The following FAM107B variants were observed in gnomAD, a reference collection of about 807,000 sequenced individuals.
FAM107B encodes family with sequence similarity 107 member B.
FAM107B carries 21 observed loss-of-function variants against 31.5 expected under a neutral mutation model. The ratio of observed to expected loss-of-function variants is 0.67; its 90% CI spans 0.47 to 0.96. FAM107B has a LOEUF of 0.96. Among genes scored for constraint, FAM107B ranks in the 40% least tolerant of loss-of-function variants. The probability of loss-of-function intolerance (pLI) is 0.00; values close to 1 mark genes in which losing one functional copy is unlikely to be tolerated. For missense variants in FAM107B, 452 were observed against 377.1 expected (o/e 1.20, Z -1.64); for synonymous variants, 157 against 141.5 (o/e 1.11, Z -0.78).
intron 2 of FAM107B, among the ~76,000 whole-genome samples, chr10:14,566,170 C>T (rs935880293): frequency 6.6e-6 from 1 of 152,110 alleles, no homozygotes; most frequent in Non-Finnish European, 1.5e-5. Flanking sequence ...ATCAGTTTCA[C>T]TAAAGTAGCA....
Position 14,774,655 on chromosome 10 carries a change from C to T in FAM107B, c.9G>A (p.Thr3=), listed in dbSNP as rs759772122. Residue 3 remains threonine, a synonymous_variant, in exon 1 of 5, where the codon ACG becomes ACA. Coordinates refer to ENST00000181796, the MANE Select transcript of FAM107B (RefSeq NM_031453.4). The part of the protein sequence containing the change: MS[T]WKARLTKRLK... ...GTCTTTTGGTGAGTCTTGCTTTCCA[C>T]GTGGACATGACTTGCAGTGAATCAT... is the stretch of plus-strand genomic sequence containing the variant. 1 of 1,612,448 alleles carries T rather than the reference C, an allele frequency of 6.2e-7. No homozygotes were observed. Among genetic ancestry groups the T allele is most frequent in the South Asian group, 1.1e-5 (1 of 90,814 alleles).
At chr10:14,608,215 T>C (rs564909899) in intron 2 of FAM107B, among the ~76,000 whole-genome samples, 1 of 152,366 alleles carries the variant, frequency 6.6e-6, no homozygotes, top group East Asian at 1.9e-4. Flanking sequence ...TTTTGACATG[T>C]ATACTCTTTT....
intron 2 of FAM107B, among the ~76,000 whole-genome samples, chr10:14,555,250 A>T (rs1849597209): frequency 6.6e-6 from 1 of 152,248 alleles, no homozygotes; most frequent in Non-Finnish European, 1.5e-5. Flanking sequence ...TGTTCAGGAA[A>T]CAGGACATTG....
chr10:14,707,527 T>C (rs1360053134), intron 1 of FAM107B, among the ~76,000 whole-genome samples: 4 of 152,142 alleles, frequency 2.6e-5, no homozygotes, highest in Non-Finnish European at 2.9e-5. Context: ...GGTGAATCCA[T>C]GACTGCAGAA....
intron 2 of FAM107B, chr10:14,555,795 A>AC (rs762062925): frequency 2.0e-5 from 3 of 152,330 alleles, no homozygotes; most frequent in African/African-American, 7.2e-5. Context: ...AGGCAAGTTT[A>AC]CCCCTCAGCA....
chr10:14,704,239 G>A (rs1855469915), intron 1 of FAM107B, among the ~76,000 whole-genome samples: 2 of 151,524 alleles, frequency 1.3e-5, no homozygotes, highest in Non-Finnish European at 2.9e-5. Flanking sequence ...TTATCAAAGA[G>A]GCTAATTGTA....
intron 1 of FAM107B, among the ~76,000 whole-genome samples, chr10:14,761,349 G>A (rs2131591252): frequency 6.6e-6 from 1 of 152,186 alleles, no homozygotes. Flanking sequence ...TGCTAAAAGA[G>A]CATTTAATAT....
At chr10:14,664,900 T>G (rs1352623755) in intron 2 of FAM107B, among the ~76,000 whole-genome samples, 1 of 152,186 alleles carries the variant, frequency 6.6e-6, no homozygotes, top group Non-Finnish European at 1.5e-5. Flanking sequence ...GAGATCTGGA[T>G]AGAATGAACT....
intron 2 of FAM107B, among the ~76,000 whole-genome samples, chr10:14,535,147 C>A (rs1847480529): frequency 6.6e-6 from 1 of 152,146 alleles, no homozygotes. Context: ...GTCACAGTCA[C>A]TTCACTGGTC....
intron 2 of FAM107B, among the ~76,000 whole-genome samples, chr10:14,654,472 C>T (rs532930943): frequency 6.6e-6 from 1 of 151,918 alleles, no homozygotes; most frequent in East Asian, 1.9e-4. Flanking sequence ...ATTGCTGTTG[C>T]GTTTTATTAT....
chr10:14,576,336 G>A (rs756745288), intron 2 of FAM107B, among the ~76,000 whole-genome samples: 1 of 152,180 alleles, frequency 6.6e-6, no homozygotes, highest in Non-Finnish European at 1.5e-5. Flanking sequence ...AGACCAGCCT[G>A]GCAAACATGG....
chr10:14,712,586 T>A (rs1855676211), intron 1 of FAM107B, among the ~76,000 whole-genome samples: 1 of 146,686 alleles, frequency 6.8e-6, no homozygotes. Context: ...AGAATGTGAT[T>A]CCAGTCCCCT....
chr10:14,587,959 C>A lies in FAM107B; in HGVS notation c.470-57444G>T, dbSNP rs1588637188. Among the ~76,000 whole-genome samples, 3 of 152,118 alleles carry A rather than the reference C, an allele frequency of 2.0e-5. No individual in the cohort carries two copies. In the East Asian group the frequency reaches 5.8e-4, roughly 29 times the overall value. On this transcript the variant is annotated intron_variant, in intron 2 of 4. Coordinates refer to ENST00000181796, the MANE Select transcript of FAM107B (RefSeq NM_031453.4). ...GAAAACTCCAGCATGGGACAATTAC[C>A]AGTGTGACACCCTTGAGAGAAATGG...
At chr10:14,551,779 CCTT>C (rs1849290968) in intron 2 of FAM107B, among the ~76,000 whole-genome samples, 1 of 151,990 alleles carries the variant, frequency 6.6e-6, no homozygotes, top group Non-Finnish European at 1.5e-5. Flanking sequence ...ATCTTTTTCT[CCTT>C]CTATAGTTTA....
chr10:14,728,040 C>G (rs941185179), intron 1 of FAM107B, among the ~76,000 whole-genome samples: 1 of 152,130 alleles, frequency 6.6e-6, no homozygotes, highest in Non-Finnish European at 1.5e-5. Flanking sequence ...TCACTGCCAC[C>G]CTCCTCCCCC....
chr10:14,711,511 G>A (rs1174154306), intron 1 of FAM107B, among the ~76,000 whole-genome samples: 2 of 152,176 alleles, frequency 1.3e-5, no homozygotes, highest in Non-Finnish European at 2.9e-5. Flanking sequence ...TAGCCTAGGA[G>A]CAGTAGGCTA....
chr10:14,523,208 T>A (rs543869451), intron 3 of FAM107B, among the ~76,000 whole-genome samples: 2 of 152,384 alleles, frequency 1.3e-5, no homozygotes, highest in African/African-American at 4.8e-5. Context: ...GAATGCTGGA[T>A]TATCCAGCTC....
intron 2 of FAM107B, among the ~76,000 whole-genome samples, chr10:14,569,154 A>C (rs1040489076): frequency 6.6e-6 from 1 of 152,188 alleles, no homozygotes; most frequent in African/African-American, 2.4e-5. Context: ...TGTTTATTCA[A>C]ATCTTTGCCC....
intron 2 of FAM107B, among the ~76,000 whole-genome samples, chr10:14,535,805 T>G (rs952164520): frequency 6.6e-6 from 1 of 152,234 alleles, no homozygotes; most frequent in African/African-American, 2.4e-5. Context: ...TGCTGCCTGA[T>G]GAGAATTCTA....
Sources: gnomAD v4.1 joint callset for allele counts (sites outside exome capture counted in the v4.1 genomes callset) on GRCh38, gnomAD v4.1.1 for gene constraint, MANE v1.5 for transcripts, NCBI Gene and HGNC (gene_info 2026-07-23, HGNC 2026-07-21) for gene names.